The following TBCK variants were observed in gnomAD, a reference collection of about 807,000 sequenced individuals.
The protein encoded by TBCK is TBC1 domain containing kinase, also known as TBC domain-containing protein kinase-like protein.
Under a neutral mutation model 113.4 loss-of-function variants are expected in TBCK, and 99 were observed. The ratio of observed to expected loss-of-function variants is 0.87; its 90% confidence interval spans 0.74 to 1.03. The LOEUF (loss-of-function observed/expected upper bound fraction) is 1.03. Ranked by LOEUF, TBCK falls within the 50% of genes least tolerant of loss-of-function variation. TBCK has a pLI of 0.00. For synonymous variants in TBCK, 369 were observed against 370.8 expected, an observed-to-expected ratio of 1.00 and a Z score of 0.05; for missense variants, 1,045 against 1,061.3, an observed-to-expected ratio of 0.98 and a Z score of 0.21.
intron 19 of TBCK, among the ~76,000 whole-genome samples, chr4:106,216,043 G>A (rs1756863696): frequency 6.6e-6 from 1 of 151,332 alleles, no homozygotes; most frequent in Non-Finnish European, 1.5e-5. Flanking sequence ...AATCAAACTA[G>A]AACTCAGGAT....
intron 25 of TBCK, among the ~76,000 whole-genome samples, chr4:106,093,397 C>T (rs1740535242): frequency 6.6e-6 from 1 of 152,074 alleles, no homozygotes; most frequent in African/African-American, 2.4e-5. Flanking sequence ...GTGCCAGCTA[C>T]TCGGGAGGCT....
chr4:106,164,849 T>TA (rs1427695094), intron 23 of TBCK, among the ~76,000 whole-genome samples: 2 of 151,894 alleles, frequency 1.3e-5, no homozygotes, highest in East Asian at 3.9e-4. Context: ...AAAAATGTGC[T>TA]TTAAATAAGA....
Position 106,095,558 on chromosome 4 carries a change from G to A in TBCK, c.2495C>T (p.Pro832Leu), listed in dbSNP as rs372590369. The change falls in exon 25 of 26, where the codon CCT (proline) becomes CTT (leucine). Residue 832 changes from proline (P) to leucine (L), a missense_variant. By Grantham distance (98) the Pro-to-Leu change is moderately conservative. Transcript: ENST00000394708. ...FTAEGELTQG[P>L]YTAMLQNFKG... ...GAAGTTCTGGAGCATAGCAGTGTAA[G>A]GGCCCTGGGTAAGCTCCCCTTCTGC... 2 of 1,613,998 alleles carry A rather than the reference G, an allele frequency of 1.2e-6. No homozygotes were observed. The highest frequency in any genetic ancestry group is 2.7e-5 in the African/African-American group (2 of 74,928).
At chr4:106,306,718 C>T (rs1274431847) in intron 2 of TBCK, among the ~76,000 whole-genome samples, 2 of 152,128 alleles carry the variant, frequency 1.3e-5, no homozygotes, top group Admixed American at 1.3e-4. Context: ...ATTACTTTTG[C>T]TTCAAAGCTA....
At chr4:106,198,316 A>C (rs72891640) in intron 20 of TBCK, among the ~76,000 whole-genome samples, 4,095 of 152,232 alleles carry the variant, frequency 0.027, 178 homozygotes, top group African/African-American at 0.094. Flanking sequence ...ATGCTTTGTA[A>C]ACAGTAACAA....
chr4:106,159,813 A>C (rs1749550585), intron 23 of TBCK, among the ~76,000 whole-genome samples: 1 of 152,090 alleles, frequency 6.6e-6, no homozygotes, highest in Non-Finnish European at 1.5e-5. Flanking sequence ...GAGACCTAAA[A>C]TAGACAAAAC....
chr4:106,055,145 T>C (rs774214712), intron 25 of TBCK, among the ~76,000 whole-genome samples: 5 of 151,606 alleles, frequency 3.3e-5, no homozygotes, highest in Admixed American at 2.0e-4. Context: ...AAGTTTTACT[T>C]TCTACTCTTA....
intron 12 of TBCK, among the ~76,000 whole-genome samples, chr4:106,240,055 C>G (rs1759916627): frequency 6.6e-6 from 1 of 151,848 alleles, no homozygotes; most frequent in African/African-American, 2.4e-5. Flanking sequence ...GGGTTTATCC[C>G]AGAAATACAA....
intron 25 of TBCK, among the ~76,000 whole-genome samples, chr4:106,053,211 A>G (rs1274507378): frequency 1.3e-5 from 2 of 151,578 alleles, no homozygotes; most frequent in Admixed American, 1.3e-4. Context: ...GGCTCTTTTA[A>G]TCTAATGGTT....
intron 19 of TBCK, among the ~76,000 whole-genome samples, chr4:106,221,867 A>G (rs1011460583): frequency 4.6e-5 from 7 of 152,124 alleles, no homozygotes; most frequent in African/African-American, 1.7e-4. Flanking sequence ...GTCTGGTACT[A>G]TGCTTATTAC....
At chr4:106,106,669 C>T (rs1396279301) in intron 24 of TBCK, among the ~76,000 whole-genome samples, 1 of 152,156 alleles carries the variant, frequency 6.6e-6, no homozygotes, top group East Asian at 1.9e-4. Context: ...AAGATCACTA[C>T]CAGTGAATAC....
At chr4:106,144,248 A>G (rs1747496785) in intron 23 of TBCK, among the ~76,000 whole-genome samples, 2 of 152,236 alleles carry the variant, frequency 1.3e-5, no homozygotes, top group South Asian at 2.1e-4. Flanking sequence ...AAATTGATAT[A>G]AAATGATAAA....
chr4:106,120,250 T>G (rs907016305), intron 23 of TBCK, among the ~76,000 whole-genome samples: 2 of 152,128 alleles, frequency 1.3e-5, no homozygotes, highest in African/African-American at 4.8e-5. Flanking sequence ...ATATTGCGCT[T>G]TTCGGACCCC....
chr4:106,197,511 A>G (rs1456603511), intron 20 of TBCK, among the ~76,000 whole-genome samples: 1 of 151,080 alleles, frequency 6.6e-6, no homozygotes, highest in African/African-American at 2.4e-5. Flanking sequence ...AGAAGAGTTC[A>G]TTTTTTCACT....
upstream of TBCK, chr4:106,316,489 G>A (rs540921826): frequency 3.9e-5 from 60 of 1,521,624 alleles, no homozygotes; most frequent in South Asian, 7.2e-4. Flanking sequence ...CAGGCTTTCA[G>A]CAAGGACACC....
chr4:106,303,004 A>C (rs754019960), intron 2 of TBCK, among the ~76,000 whole-genome samples: 1 of 152,208 alleles, frequency 6.6e-6, no homozygotes, highest in Non-Finnish European at 1.5e-5. Context: ...ATAGTCTACT[A>C]TTAGATATAG....
chr4:106,271,133 ATTAG>A (rs1460841829), intron 3 of TBCK, among the ~76,000 whole-genome samples: 2 of 152,158 alleles, frequency 1.3e-5, no homozygotes, highest in Non-Finnish European at 2.9e-5. Context: ...ATCACCTTGA[ATTAG>A]TTAGTTCTGT....
intron 19 of TBCK, among the ~76,000 whole-genome samples, chr4:106,229,332 T>C (rs1266828195): frequency 6.6e-6 from 1 of 152,060 alleles, no homozygotes; most frequent in Non-Finnish European, 1.5e-5. Context: ...ACCAACGTCC[T>C]GGAGAGCTTC....
chr4:106,099,730 C>T (rs1387947163), intron 24 of TBCK, among the ~76,000 whole-genome samples: 2 of 152,128 alleles, frequency 1.3e-5, no homozygotes, highest in Non-Finnish European at 2.9e-5. Context: ...CATTTTTATT[C>T]CCATTACCCC....
Sources: gnomAD v4.1 joint callset for allele counts (sites outside exome capture counted in the v4.1 genomes callset) on GRCh38, gnomAD v4.1.1 for gene constraint, MANE v1.5 for transcripts, NCBI Gene and HGNC (gene_info 2026-07-23, HGNC 2026-07-21) for gene names.